KIAA0319: variants seen among roughly 807,000 people sequenced by gnomAD.
KIAA0319 encodes the protein dyslexia-associated protein KIAA0319.
KIAA0319 carries 83 observed loss-of-function variants against 108.4 expected under a neutral mutation model. That is an observed-to-expected ratio of 0.77 (90% CI 0.64 to 0.92). The LOEUF is 0.92. Among genes scored for constraint, KIAA0319 ranks in the 40% least tolerant of loss-of-function variants. The probability of loss-of-function intolerance (pLI) is 0.00; values close to 1 mark genes in which losing one functional copy is unlikely to be tolerated. For missense variants in KIAA0319, 1,195 were observed against 1,322.4 expected, an observed-to-expected ratio of 0.90 and a Z score of 1.49; for synonymous variants, 484 against 510.4, an observed-to-expected ratio of 0.95 and a Z score of 0.70.
chr6:24,605,671 G>T (rs1490478374), intron 1 of KIAA0319, among the ~76,000 whole-genome samples: 3 of 152,126 alleles, frequency 2.0e-5, no homozygotes, highest in Non-Finnish European at 4.4e-5. Flanking sequence ...CATAAACTCT[G>T]CATGGATCAA....
At chr6:24,550,764 G>A (rs559865707) in intron 20 of KIAA0319, among the ~76,000 whole-genome samples, 29 of 146,218 alleles carry the variant, frequency 2.0e-4, no homozygotes, top group East Asian at 4.5e-4. Flanking sequence ...CCCTCCACCC[G>A]CGAGTAGAAA....
intron 8 of KIAA0319, among the ~76,000 whole-genome samples, chr6:24,579,412 G>GATATATATATATATATATATATAT (rs3840133): frequency 4.1e-4 from 52 of 127,222 alleles, no homozygotes; most frequent in African/African-American, 1.5e-3. Context: ...TCTATATAAA[G>GATATATATATATATATATATATAT]ATATATATAT....
chr6:24,607,779 T>C (rs905191522), intron 1 of KIAA0319, among the ~76,000 whole-genome samples: 2 of 152,254 alleles, frequency 1.3e-5, no homozygotes, highest in Admixed American at 1.3e-4. Flanking sequence ...GTAACAATTT[T>C]AGTTAAAAAA....
At position 24,572,622 on chromosome 6, in the gene KIAA0319, G is replaced by C. The variant is rs778497597; in HGVS notation, c.1811C>G (p.Ser604Cys). 2.9e-5 allele frequency: 46 copies of C among 1,613,944 alleles called. No individual in the cohort carries two copies. The highest frequency in any genetic ancestry group is 3.9e-5 in the Non-Finnish European group (46 of 1,180,010). The change falls in exon 11 of 21, where the codon TCT becomes TGT. Residue 604 changes from serine to cysteine, a missense_variant. Physicochemically the swap from Ser to Cys is moderately radical, Grantham distance 112. Coordinates refer to ENST00000378214, the MANE Select transcript of KIAA0319 (RefSeq NM_014809.4). Reference sequence around the variant, plus strand: ...CACAGCAGTAGACTGTTGCCTTGAAGAATCTGTCACCTTCAGCTGAAATGT... The same window carrying C: ...CACAGCAGTAGACTGTTGCCTTGAACAATCTGTCACCTTCAGCTGAAATGT... The part of the protein sequence containing the change: ...DYTFQLKVTD[S>C]SRQQSTAVVT...
downstream of KIAA0319, among the ~76,000 whole-genome samples, chr6:24,542,105 C>T (rs370348413): frequency 3.9e-5 from 6 of 152,188 alleles, no homozygotes; most frequent in Middle Eastern, 3.4e-3. Flanking sequence ...TGCACCACTG[C>T]GCTCCAGCCT....
chr6:24,643,543 T>C (rs921527855), intron 1 of KIAA0319, among the ~76,000 whole-genome samples: 3 of 152,216 alleles, frequency 2.0e-5, no homozygotes, highest in Admixed American at 1.3e-4. Context: ...CATGATTTTA[T>C]GATTTTGATT....
At position 24,554,587 on chromosome 6, in the gene KIAA0319, C is replaced by T; in HGVS notation, c.2902G>A (p.Val968Met). 1 of 1,613,982 alleles carries T rather than the reference C, an allele frequency of 6.2e-7. No homozygotes were observed. Among genetic ancestry groups the T allele is most frequent in the East Asian group, 2.2e-5 (1 of 44,870 alleles). ...YVTVLAFTLI[V>M]LTGGFTWLCI... is the part of the protein sequence containing the mutation. Reference sequence around the variant, plus strand: ...AGCCAAGTGAAACCTCCTGTTAGCACAATAAGAGTAAAAGCCAACACTGTC... The same window carrying T: ...AGCCAAGTGAAACCTCCTGTTAGCATAATAAGAGTAAAAGCCAACACTGTC... Residue 968 changes from valine (V) to methionine (M), a missense_variant, in exon 19 of 21, where the codon GTG (valine) becomes ATG (methionine). By Grantham distance (21) the Val-to-Met change is conservative. Transcript: ENST00000378214.
chr6:24,609,282 A>G (rs1287839526), intron 1 of KIAA0319, among the ~76,000 whole-genome samples: 3 of 150,298 alleles, frequency 2.0e-5, no homozygotes, highest in Non-Finnish European at 4.4e-5. Context: ...ACAAAAAAAA[A>G]AAAAAAAGAA....
In KIAA0319 at chr6:24,579,410, A is replaced by ATATATATATATAT. The variant is rs1561981471; in HGVS notation, c.1372+447_1372+448insATATATATATATA. Among the ~76,000 whole-genome samples the ATATATATATATAT allele has an allele frequency of 2.4e-4, 21 of 88,050 alleles. 1 individual carries two copies. Among genetic ancestry groups the ATATATATATATAT allele is most frequent in the African/African-American group, 1.2e-3 (19 of 15,960 alleles). The allele number at this position is 88,050 out of a possible 152,430, so 57.8% of individuals were successfully genotyped here. ...CAGGTCACGGGAGCTCCTCTATATAAAGATATATATATATATATATATCTT... is the reference window on the plus strand; with the variant it reads ...CAGGTCACGGGAGCTCCTCTATATAATATATATATATATAGATATATATATATATATATATCTT... On this transcript the variant is annotated intron_variant, in intron 8 of 20. Transcript: ENST00000378214.
intron 18 of KIAA0319, among the ~76,000 whole-genome samples, chr6:24,556,054 A>C (rs1762242297): frequency 6.6e-6 from 1 of 152,170 alleles, no homozygotes; most frequent in Non-Finnish European, 1.5e-5. Flanking sequence ...CTACCAAGTG[A>C]GCTGGTTCAC....
At chr6:24,582,206 G>T in intron 6 of KIAA0319, 43 bp downstream of exon 6, 2 of 1,102,272 alleles carry the variant, frequency 1.8e-6, no homozygotes, top group Non-Finnish European at 2.8e-6. Context: ...GCTCTATGCC[G>T]TTACGCTGTG....
At chr6:24,583,360 A>G in intron 5 of KIAA0319, 1 of 590,260 alleles carries the variant, frequency 1.7e-6, no homozygotes, top group East Asian at 4.8e-5. Flanking sequence ...TCAGAAATTT[A>G]TGACTTTCCA....
At chr6:24,630,698 T>C (rs796153875) in intron 1 of KIAA0319, among the ~76,000 whole-genome samples, 11,835 of 79,096 alleles carry the variant, frequency 0.15, 1,208 homozygotes, top group African/African-American at 0.36. Context: ...TATATATATA[T>C]ATATACACAT....
chr6:24,542,009 A>G (rs1760210026), downstream of KIAA0319, among the ~76,000 whole-genome samples: 1 of 152,188 alleles, frequency 6.6e-6, no homozygotes, highest in Non-Finnish European at 1.5e-5. Flanking sequence ...GTGTGGTAAC[A>G]CACATCTGTA....
chr6:24,589,171 T>A (rs1383367721), intron 3 of KIAA0319, among the ~76,000 whole-genome samples: 1 of 152,200 alleles, frequency 6.6e-6, no homozygotes, highest in African/African-American at 2.4e-5. Context: ...AGGTAGGGCC[T>A]TTGGGAAGTA....
intron 1 of KIAA0319, among the ~76,000 whole-genome samples, chr6:24,638,809 G>GT (rs1406332146): frequency 6.6e-6 from 1 of 151,970 alleles, no homozygotes; most frequent in Non-Finnish European, 1.5e-5. Flanking sequence ...GGGATCAGTT[G>GT]TAAGATGAAT....
Position 24,599,107 on chromosome 6 carries a change from G to T in KIAA0319, c.55+1942C>A. 1.4e-6 allele frequency: 1 copy of T among 692,708 alleles called. No homozygotes were observed. The highest frequency in any genetic ancestry group is 2.5e-6 in the Non-Finnish European group (1 of 394,312). 42.9% of individuals were successfully genotyped at this position (692,708 alleles called of 1,614,324 possible). A position where few individuals can be genotyped will look rare whatever the true frequency, so the allele number is the denominator to read the frequency against. Reference sequence around the variant, plus strand: ...GTGGTGCTGTCCATGGACAACAGCTGGTCCCTGGACATGGACAGCATCATT... The same window carrying T: ...GTGGTGCTGTCCATGGACAACAGCTTGTCCCTGGACATGGACAGCATCATT... On this transcript the variant is annotated intron_variant, in intron 2 of 20. Coordinates refer to ENST00000378214, the MANE Select transcript of KIAA0319 (RefSeq NM_014809.4). This position sits in a 1 kb window ranked among gnomAD's most constrained non-coding sequence, Gnocchi z 4.1.
At position 24,600,636 on chromosome 6, in the gene KIAA0319, A is replaced by T. The variant is rs1177964195; in HGVS notation, c.55+413T>A. On this transcript the variant is annotated intron_variant, in intron 2 of 20. Transcript: ENST00000378214. ...ATACTCACATGGGCTCGGCCAGCCC[A>T]GTCTAGTCATGGGTCTTCTTAAATG... The T allele has an allele frequency of 2.0e-6, 3 of 1,532,792 alleles. No individual in the cohort carries two copies. In the South Asian group the frequency reaches 3.6e-5, roughly 18 times the overall value. The allele number at this position is 1,532,792 out of a possible 1,614,324, so 94.9% of individuals were successfully genotyped here.
At chr6:24,575,771 A>G (rs1427257073) in intron 10 of KIAA0319, among the ~76,000 whole-genome samples, 1 of 152,170 alleles carries the variant, frequency 6.6e-6, no homozygotes, top group Non-Finnish European at 1.5e-5. Flanking sequence ...TGAAACTCAA[A>G]TAATAACATA....
Sources: allele counts gnomAD v4.1 joint callset (sites outside exome capture counted in the v4.1 genomes callset), GRCh38; gene constraint gnomAD v4.1.1; non-coding constraint Gnocchi (gnomAD v3.1); transcripts MANE v1.5; gene names NCBI Gene and HGNC (gene_info 2026-07-23, HGNC 2026-07-21).